SPAG16: variants seen among roughly 807,000 people sequenced by gnomAD.
SPAG16 encodes the protein sperm associated antigen 16, also known as sperm-associated antigen 16 protein.
SPAG16 carries 86 observed loss-of-function variants against 80.4 expected under a neutral mutation model. That is an observed-to-expected ratio of 1.07 (90% confidence interval 0.90 to 1.28). The LOEUF (loss-of-function observed/expected upper bound fraction) is 1.28, where lower values mean the gene tolerates loss of function less well. Ranked by LOEUF, SPAG16 falls within the 50% of genes most tolerant of loss-of-function variation. The pLI, the probability that SPAG16 is intolerant of heterozygous loss-of-function variation, is 0.00. For synonymous variants in SPAG16, 294 were observed against 265.9 expected, an observed-to-expected ratio of 1.11 and a Z score of -1.03; for missense variants, 870 against 765.3, an observed-to-expected ratio of 1.14 and a Z score of -1.61.
intron 13 of SPAG16, among the ~76,000 whole-genome samples, chr2:214,028,940 A>AT (rs982413870): frequency 1.3e-5 from 2 of 151,718 alleles, no homozygotes; most frequent in Admixed American, 6.6e-5. Context: ...TATGGATACA[A>AT]TTTTTTTTTA....
At chr2:213,370,509 G>A (rs949242733) in intron 8 of SPAG16, among the ~76,000 whole-genome samples, 2 of 151,946 alleles carry the variant, frequency 1.3e-5, no homozygotes, top group African/African-American at 4.8e-5. Flanking sequence ...ATTAAATGAT[G>A]GTTTGAAATT....
intron 10 of SPAG16, among the ~76,000 whole-genome samples, chr2:213,790,459 T>C (rs1314913371): frequency 6.6e-6 from 1 of 152,026 alleles, no homozygotes; most frequent in Non-Finnish European, 1.5e-5. Context: ...ATTTTTGGTG[T>C]AATATTATAT....
chr2:213,421,200 C>T (rs2069561976), intron 9 of SPAG16, among the ~76,000 whole-genome samples: 1 of 152,212 alleles, frequency 6.6e-6, no homozygotes, highest in Non-Finnish European at 1.5e-5. Flanking sequence ...AGTGCCTGTT[C>T]CCACTGTCTG....
intron 13 of SPAG16, among the ~76,000 whole-genome samples, chr2:214,059,202 A>ATATATGTATGTG (rs1553706162): frequency 5.6e-4 from 60 of 107,298 alleles, no homozygotes; most frequent in African/African-American, 1.8e-3. Flanking sequence ...ATATATATAT[A>ATATATGTATGTG]TATATATATA....
chr2:213,471,690 T>G (rs1228172132), intron 9 of SPAG16, among the ~76,000 whole-genome samples: 1 of 152,194 alleles, frequency 6.6e-6, no homozygotes, highest in East Asian at 1.9e-4. Flanking sequence ...CAGAGCAGCT[T>G]GCACAGCATC....
intron 15 of SPAG16, among the ~76,000 whole-genome samples, chr2:214,199,184 A>C (rs562682515): frequency 2.3e-4 from 35 of 152,234 alleles, no homozygotes; most frequent in Non-Finnish European, 3.2e-4. Flanking sequence ...TGCCTAAGCC[A>C]ATGTCTAGAA....
At chr2:214,327,613 G>A (rs1043554613) in intron 15 of SPAG16, among the ~76,000 whole-genome samples, 6 of 151,990 alleles carry the variant, frequency 3.9e-5, no homozygotes, top group Admixed American at 3.9e-4. Context: ...TCATCTCAGG[G>A]CAATAGTATA....
chr2:213,969,377 T>C (rs1005128283), intron 12 of SPAG16, among the ~76,000 whole-genome samples: 2 of 152,196 alleles, frequency 1.3e-5, no homozygotes, highest in Non-Finnish European at 2.9e-5. Context: ...ATGGTTTGAA[T>C]GTTGGTGTTC....
intron 13 of SPAG16, among the ~76,000 whole-genome samples, chr2:214,021,503 A>G (rs2047864991): frequency 2.0e-5 from 3 of 152,118 alleles, no homozygotes; most frequent in Non-Finnish European, 4.4e-5. Flanking sequence ...CTGTCATGAG[A>G]GCAGCACAGA....
chr2:214,322,497 C>G (rs1696167737), intron 15 of SPAG16, among the ~76,000 whole-genome samples: 1 of 125,464 alleles, frequency 8.0e-6, no homozygotes, highest in Admixed American at 8.6e-5. Flanking sequence ...TACAGAAATG[C>G]CTCACCTTAG....
At chr2:214,272,927 A>G (rs370501793) in intron 15 of SPAG16, among the ~76,000 whole-genome samples, 1 of 152,038 alleles carries the variant, frequency 6.6e-6, no homozygotes, top group Non-Finnish European at 1.5e-5. Context: ...AAGTGTTCCT[A>G]TTTCTCCACA....
At chr2:214,117,055 T>C (rs567145308) in intron 14 of SPAG16, among the ~76,000 whole-genome samples, 14 of 152,140 alleles carry the variant, frequency 9.2e-5, no homozygotes, top group Non-Finnish European at 1.9e-4. Flanking sequence ...ATGTGTCATC[T>C]CTCAGACAAA....
chr2:213,294,012 C>T (rs2062401672), intron 1 of SPAG16, among the ~76,000 whole-genome samples: 2 of 152,184 alleles, frequency 1.3e-5, no homozygotes, highest in Non-Finnish European at 2.9e-5. Flanking sequence ...CTGTGCTATA[C>T]ATTAGGTCTC....
intron 13 of SPAG16, among the ~76,000 whole-genome samples, chr2:214,098,617 C>CT (rs1471015829): frequency 6.6e-6 from 1 of 152,076 alleles, no homozygotes; most frequent in Non-Finnish European, 1.5e-5. Flanking sequence ...AAATAAATCT[C>CT]TTTCGTTTAA....
intron 11 of SPAG16, among the ~76,000 whole-genome samples, chr2:213,891,655 G>A (rs767818776): frequency 7.2e-5 from 11 of 152,046 alleles, no homozygotes; most frequent in East Asian, 3.9e-4. Context: ...ACAGAAAGCC[G>A]AAAACAAATA....
chr2:213,998,581 G>T (rs530098682), intron 12 of SPAG16, among the ~76,000 whole-genome samples: 12 of 152,294 alleles, frequency 7.9e-5, no homozygotes, highest in South Asian at 6.2e-4. Flanking sequence ...GAGTAAACTG[G>T]TACCAGTAGA....
At chr2:213,803,484 T>C (rs981944153) in intron 10 of SPAG16, among the ~76,000 whole-genome samples, 1 of 152,180 alleles carries the variant, frequency 6.6e-6, no homozygotes, top group Non-Finnish European at 1.5e-5. Context: ...TCTTTCTGTC[T>C]CTTCTGAGAG....
chr2:213,873,782 A>G (rs1200359279), intron 11 of SPAG16, among the ~76,000 whole-genome samples: 2 of 151,882 alleles, frequency 1.3e-5, no homozygotes, highest in African/African-American at 4.8e-5. Context: ...TTCCATATAT[A>G]TGTCATGTGC....
intron 10 of SPAG16, among the ~76,000 whole-genome samples, chr2:213,511,219 G>A (rs185419039): frequency 7.2e-5 from 11 of 152,084 alleles, no homozygotes; most frequent in Admixed American, 5.2e-4. Flanking sequence ...TTTATATGAC[G>A]TTATTAGCTT....
Sources: allele counts gnomAD v4.1 joint callset (sites outside exome capture counted in the v4.1 genomes callset), GRCh38; gene constraint gnomAD v4.1.1; transcripts MANE v1.5; gene names NCBI Gene and HGNC (gene_info 2026-07-23, HGNC 2026-07-21).